Variants in PDIA6 observed in about 807,000 individuals in gnomAD.
The protein encoded by PDIA6 is protein disulfide-isomerase A6.
In PDIA6, 29 loss-of-function variants were observed where a neutral mutation model predicts 58.4. The observed-to-expected ratio is 0.50, with a 90% CI of 0.37 to 0.68. The LOEUF (loss-of-function observed/expected upper bound fraction) is 0.68. Ranked by LOEUF, PDIA6 falls within the 30% of genes least tolerant of loss-of-function variation. PDIA6 has a pLI of 0.00. For synonymous variants in PDIA6, 192 were observed against 202.6 expected, an observed-to-expected ratio of 0.95 and a Z score of 0.44; for missense variants, 480 against 551.0, an observed-to-expected ratio of 0.87 and a Z score of 1.29.
intron 1 of PDIA6, among the ~76,000 whole-genome samples, chr2:10,804,439 C>T (rs1666648301): frequency 9.4e-6 from 1 of 106,254 alleles, no homozygotes; most frequent in African/African-American, 2.8e-5. Context: ...TTCCTTTCCC[C>T]ATTGCTTGTT....
upstream of PDIA6, among the ~76,000 whole-genome samples, chr2:10,835,375 G>T (rs1231588953): frequency 6.6e-6 from 1 of 152,086 alleles, no homozygotes; most frequent in Non-Finnish European, 1.5e-5. Flanking sequence ...CGCTGGCAGT[G>T]AGCCAGCCGG....
chr2:10,831,774 C>T (rs1264909775), intron 1 of PDIA6, among the ~76,000 whole-genome samples: 4 of 152,044 alleles, frequency 2.6e-5, no homozygotes, highest in Non-Finnish European at 4.4e-5. Context: ...CAAGCGGAAC[C>T]CAGCTCCCGG....
At chr2:10,807,612 C>G (rs2148560274) in intron 1 of PDIA6, among the ~76,000 whole-genome samples, 1 of 152,306 alleles carries the variant, frequency 6.6e-6, no homozygotes, top group South Asian at 2.1e-4. Flanking sequence ...TGAGACTGGC[C>G]TGTGTTCTCA....
At chr2:10,824,828 T>G (rs1667503325) in intron 1 of PDIA6, among the ~76,000 whole-genome samples, 1 of 152,242 alleles carries the variant, frequency 6.6e-6, no homozygotes, top group Non-Finnish European at 1.5e-5. Context: ...GGTTTCTAAT[T>G]GGTCTTTCTA....
exon 1 of PDIA6, chr2:10,837,611 A>G (rs1339153834): frequency 9.6e-7 from 1 of 1,045,106 alleles, no homozygotes; most frequent in Admixed American, 2.0e-5. Context: ...CTCATTTTGC[A>G]GTCAGAAAAG....
At chr2:10,806,628 CA>C (rs1202235332) in intron 1 of PDIA6, among the ~76,000 whole-genome samples, 112 of 69,948 alleles carry the variant, frequency 1.6e-3, no homozygotes, top group Middle Eastern at 9.6e-3. Flanking sequence ...AAAATAAAGA[CA>C]GAAAGAAAGA....
Position 10,803,911 on chromosome 2 carries a change from G to GTTTTTTTTTTTTTTTTTTTTT in PDIA6, c.20-1272_20-1271insAAAAAAAAAAAAAAAAAAAAA, listed in dbSNP as rs754643092. 1.5e-4 allele frequency among the ~76,000 whole-genome samples: 18 copies of GTTTTTTTTTTTTTTTTTTTTT among 117,906 alleles called. 1 individual carries two copies. Among genetic ancestry groups the GTTTTTTTTTTTTTTTTTTTTT allele is most frequent in the Admixed American group, 3.0e-4 (3 of 10,078 alleles). The allele number at this position is 117,906 out of a possible 152,430, so 77.4% of individuals were successfully genotyped here. ...TGCGTGTTTGTGTCCTAGTTTTTGT[G>GTTTTTTTTTTTTTTTTTTTTT]TTTTTTTTTTTTTTTGAGACAGAGT... On this transcript the variant is annotated intron_variant, in intron 1 of 12. Transcript: ENST00000272227.
At chr2:10,817,906 T>C (rs1667248207) in intron 2 of PDIA6, among the ~76,000 whole-genome samples, 2 of 152,312 alleles carry the variant, frequency 1.3e-5, no homozygotes, top group Middle Eastern at 3.4e-3. Context: ...CTTTGACTAA[T>C]ACAGGGCTTA....
At chr2:10,817,096 C>T (rs566157632), upstream of PDIA6, among the ~76,000 whole-genome samples, 3 of 152,334 alleles carry the variant, frequency 2.0e-5, no homozygotes, top group South Asian at 6.2e-4. Flanking sequence ...ACACCCGTGG[C>T]TGCTCCAGCC....
At chr2:10,784,728 G>GA in intron 12 of PDIA6, 1 of 554,440 alleles carries the variant, frequency 1.8e-6, no homozygotes, top group Non-Finnish European at 3.2e-6. Flanking sequence ...ATGTATCTTG[G>GA]CTGTCAAGAG....
rs565606447 is a variant in PDIA6 at position 10,819,231 on chromosome 2, T to A, written c.34+43A>T. On this transcript the variant is annotated intron_variant, in intron 2 of 13. Transcript: ENST00000381611. ...GGTTGTTTTCACCTTTTGGCTGTTG[T>A]GAACAGATGGAGGCTCCTACTCTGG... The A allele has an allele frequency of 3.8e-5, 47 of 1,249,164 alleles. No individual in the cohort carries two copies. In the South Asian group the frequency reaches 5.3e-4, roughly 14 times the overall value. 77.4% of individuals were successfully genotyped at this position (1,249,164 alleles called of 1,614,324 possible). A position where few individuals can be genotyped will look rare whatever the true frequency, so the allele number is the denominator to read the frequency against.
chr2:10,812,015 A>AGCC (rs1667017406), intron 1 of PDIA6, among the ~76,000 whole-genome samples: 1 of 151,830 alleles, frequency 6.6e-6, no homozygotes, highest in Non-Finnish European at 1.5e-5. Flanking sequence ...GGTTCAGGAG[A>AGCC]TTCTCCTGCC....
chr2:10,802,713 G>T, intron 1 of PDIA6, 73 bp from the exon 2 acceptor site: 1 of 1,238,454 alleles, frequency 8.1e-7, no homozygotes, highest in Non-Finnish European at 1.1e-6. Flanking sequence ...GGGAACCAGA[G>T]TCCTCTTTAA....
upstream of PDIA6, among the ~76,000 whole-genome samples, chr2:10,814,895 A>G (rs1409881924): frequency 6.6e-6 from 1 of 152,216 alleles, no homozygotes; most frequent in Non-Finnish European, 1.5e-5. Flanking sequence ...CCACACTGCC[A>G]GTGCCCTTTG....
chr2:10,813,781 G>A (rs2148568711), upstream of PDIA6, among the ~76,000 whole-genome samples: 1 of 151,842 alleles, frequency 6.6e-6, no homozygotes, highest in African/African-American at 2.4e-5. Context: ...GATGACAGGT[G>A]CATGTCACCA....
chr2:10,810,385 C>CAGCAATCAAG, intron 1 of PDIA6: 1 of 1,488,762 alleles, frequency 6.7e-7, no homozygotes, highest in South Asian at 1.3e-5. Context: ...ACAGCAATAA[C>CAGCAATCAAG]GTCAGTCCTC....
At chr2:10,825,106 G>T in intron 1 of PDIA6, among the ~76,000 whole-genome samples, 1 of 152,170 alleles carries the variant, frequency 6.6e-6, no homozygotes, top group East Asian at 1.9e-4. Context: ...TTTCTCCCAT[G>T]CTGGATGCTT....
At chr2:10,806,363 G>A (rs1211741571) in intron 1 of PDIA6, among the ~76,000 whole-genome samples, 2 of 117,454 alleles carry the variant, frequency 1.7e-5, no homozygotes, top group Admixed American at 9.8e-5. Flanking sequence ...GCAAGACCTT[G>A]TCTCAAAAAA....
intron 1 of PDIA6, among the ~76,000 whole-genome samples, chr2:10,811,716 C>T (rs921523592): frequency 6.6e-6 from 1 of 152,184 alleles, no homozygotes; most frequent in Non-Finnish European, 1.5e-5. Flanking sequence ...CCAAGGCGAG[C>T]CCGGCAAGGA....
Sources: allele counts gnomAD v4.1 joint callset (sites outside exome capture counted in the v4.1 genomes callset), GRCh38; gene constraint gnomAD v4.1.1; transcripts MANE v1.5; gene names NCBI Gene and HGNC (gene_info 2026-07-23, HGNC 2026-07-21).